Variants in PLAGL1 observed in about 807,000 individuals in gnomAD.
The protein encoded by PLAGL1 is PLAG1 like zinc finger 1.
Under a neutral mutation model 4.6 loss-of-function variants are expected in PLAGL1, and 1 was observed. That is an observed-to-expected ratio of 0.22 (90% CI 0.08 to 1.03). The LOEUF is 1.03. PLAGL1 is among the 50% of genes least tolerant of loss of function. The pLI is 0.58. For synonymous variants in PLAGL1, 240 were observed against 237.8 expected (o/e 1.01, Z -0.08); for missense variants, 464 against 570.4 (o/e 0.81, Z 1.90).
At chr6:144,054,345 A>G (rs929102802) in intron 1 of PLAGL1, among the ~76,000 whole-genome samples, 2 of 152,216 alleles carry the variant, frequency 1.3e-5, no homozygotes, top group African/African-American at 4.8e-5. Flanking sequence ...CATAGAACCA[A>G]CCCAAATGAC....
At chr6:144,028,266 A>G (rs1256044473) in intron 1 of PLAGL1, among the ~76,000 whole-genome samples, 2 of 152,202 alleles carry the variant, frequency 1.3e-5, no homozygotes, top group African/African-American at 4.8e-5. Context: ...CTTTTAAATT[A>G]TATATTTTAA....
intron 6 of PLAGL1, among the ~76,000 whole-genome samples, chr6:143,956,637 T>C (rs1782205978): frequency 6.6e-6 from 1 of 152,252 alleles, no homozygotes; most frequent in Non-Finnish European, 1.5e-5. Flanking sequence ...CTTTGCTATA[T>C]TTAGCAGATT....
At chr6:144,051,448 G>C (rs963980062) in intron 1 of PLAGL1, among the ~76,000 whole-genome samples, 1 of 152,048 alleles carries the variant, frequency 6.6e-6, no homozygotes, top group Non-Finnish European at 1.5e-5. Context: ...TAACAACTAA[G>C]GACAATCATT....
intron 1 of PLAGL1, among the ~76,000 whole-genome samples, chr6:143,988,468 T>C (rs1475111940): frequency 6.6e-6 from 1 of 152,206 alleles, no homozygotes; most frequent in East Asian, 1.9e-4. Context: ...GAAACCAAGA[T>C]CTTCCCTGAA....
intron 1 of PLAGL1, among the ~76,000 whole-genome samples, chr6:143,986,236 A>G (rs1010877965): frequency 2.0e-5 from 3 of 151,992 alleles, no homozygotes; most frequent in African/African-American, 4.8e-5. Flanking sequence ...TTGCTATGAC[A>G]AATAAATCAC....
In PLAGL1 at chr6:143,962,183, TGG is replaced by T. The variant is rs1255085655; in HGVS notation, c.-398-1643_-398-1642del. Among the ~76,000 whole-genome samples, 1 of 152,146 alleles carries T rather than the reference TGG, an allele frequency of 6.6e-6. No homozygotes were observed. Among genetic ancestry groups the T allele is most frequent in the African/African-American group, 2.4e-5 (1 of 41,420 alleles). The stretch of plus-strand genomic sequence containing the variant: ...CAGAGAGCCCAAGGCAGGCCTGGTC[TGG>T]GGGGAAAATCATGTGCAGTATATGA... On this transcript the variant is annotated intron_variant, in intron 5 of 7. Coordinates refer to ENST00000674357, the MANE Select transcript of PLAGL1 (RefSeq NM_001317162.2). The surrounding 1 kb of genome is among the most constrained non-coding windows in gnomAD (Gnocchi z 5.3).
Position 143,955,967 on chromosome 6 carries a change from A to AC in PLAGL1, c.-325+4501_-325+4502insG, listed in dbSNP as rs1782032988. Reference sequence around the variant, plus strand: ...TCCCAGAAGAAAAACTCAGCAAAAAATAAGCGTTAGGAGTTCATTTTTAGA... The same window carrying AC: ...TCCCAGAAGAAAAACTCAGCAAAAAACTAAGCGTTAGGAGTTCATTTTTAGA... On this transcript the variant is annotated intron_variant, in intron 6 of 7. Transcript: ENST00000674357. This position sits in a 1 kb window ranked among gnomAD's most constrained non-coding sequence, Gnocchi z 4.9. 6.6e-6 allele frequency among the ~76,000 whole-genome samples: 1 copy of AC among 152,232 alleles called. No individual in the cohort carries two copies. The highest frequency in any genetic ancestry group is 1.5e-5 in the Non-Finnish European group (1 of 68,048).
chr6:144,001,388 T>C (rs1044096198), intron 1 of PLAGL1, among the ~76,000 whole-genome samples: 1 of 152,044 alleles, frequency 6.6e-6, no homozygotes, highest in Admixed American at 6.6e-5. Flanking sequence ...CCAATCTTTC[T>C]TAGAGAAGAA....
In PLAGL1 at chr6:143,964,907, G is replaced by T; in HGVS notation, c.-430-89C>A. ...AACAAACAAAAACACCCAAGTGGGGGGGGAACGGAAGTCTACTTGGAAGAG... is the reference window on the plus strand; with the variant it reads ...AACAAACAAAAACACCCAAGTGGGGTGGGAACGGAAGTCTACTTGGAAGAG... On this transcript the variant is annotated intron_variant, in intron 4 of 7. Coordinates refer to ENST00000674357, the MANE Select transcript of PLAGL1 (RefSeq NM_001317162.2). This position sits in a 1 kb window ranked among gnomAD's most constrained non-coding sequence, Gnocchi z 4.3. 1 of 152,320 alleles carries T rather than the reference G, an allele frequency of 6.6e-6. No individual in the cohort carries two copies. The highest frequency in any genetic ancestry group is 1.5e-5 in the Non-Finnish European group (1 of 68,054). The allele number at this position is 152,320 out of a possible 1,614,324, so 9.4% of individuals were successfully genotyped here.
Position 143,945,517 on chromosome 6 carries a change from C to G in PLAGL1, c.152+2468G>C, listed in dbSNP as rs1779560532. On this transcript the variant is annotated intron_variant, in intron 7 of 7. Coordinates refer to ENST00000674357, the MANE Select transcript of PLAGL1 (RefSeq NM_001317162.2). This position sits in a 1 kb window ranked among gnomAD's most constrained non-coding sequence, Gnocchi z 4.2. ...TTTGAGATGCAGTCCCACCCTGTCACCAGGCTGAAGTGCAGTGGCTCGATG... is the reference window on the plus strand; with the variant it reads ...TTTGAGATGCAGTCCCACCCTGTCAGCAGGCTGAAGTGCAGTGGCTCGATG... Among the ~76,000 whole-genome samples the G allele has an allele frequency of 1.3e-5, 2 of 152,214 alleles. No homozygotes were observed. Among genetic ancestry groups the G allele is most frequent in the South Asian group, 4.1e-4 (2 of 4,832 alleles).
chr6:143,948,367 G>T lies in PLAGL1; in HGVS notation c.-231C>A. 2.1e-6 allele frequency: 1 copy of T among 484,088 alleles called. No homozygotes were observed. Among genetic ancestry groups the T allele is most frequent in the Non-Finnish European group, 3.8e-6 (1 of 266,406 alleles). The allele number at this position is 484,088 out of a possible 1,614,324, so 30.0% of individuals were successfully genotyped here. A position where few individuals can be genotyped will look rare whatever the true frequency, so the allele number is the denominator to read the frequency against. On this transcript the variant is annotated 5_prime_UTR_variant, in exon 7 of 8. It introduces an in-frame stop codon into an upstream open reading frame of the 5' UTR. Coordinates refer to ENST00000674357, the MANE Select transcript of PLAGL1 (RefSeq NM_001317162.2). The surrounding 1 kb of genome is among the most constrained non-coding windows in gnomAD (Gnocchi z 6.0). The stretch of plus-strand genomic sequence containing the variant: ...CCCAGTTTACATGCAGTCTCAAGCT[G>T]AGGGGAGAAAGTCTGAGGCACAGGT...
At chr6:144,023,861 C>T (rs1289999268) in intron 1 of PLAGL1, among the ~76,000 whole-genome samples, 1 of 144,758 alleles carries the variant, frequency 6.9e-6, no homozygotes, top group Non-Finnish European at 1.5e-5. Context: ...ACTGCAACCT[C>T]CGCCTCCCAG....
intron 1 of PLAGL1, among the ~76,000 whole-genome samples, chr6:144,030,061 G>C (rs924103389): frequency 2.0e-5 from 3 of 151,926 alleles, no homozygotes; most frequent in South Asian, 2.1e-4. Flanking sequence ...AGACCATCCT[G>C]GTTAACACGG....
chr6:144,027,277 A>G lies in PLAGL1; in HGVS notation c.-151+37191T>C, dbSNP rs12213609. The stretch of plus-strand genomic sequence containing the variant: ...AAAGAAAGAAAGAAAGAAAGAAAGA[A>G]AGAAAGAAAGAAAGAAAGTTATTTG... On this transcript the variant is annotated intron_variant, in intron 1 of 3. Coordinates refer to the PLAGL1 transcript ENST00000437412. The surrounding 1 kb of genome is among the most constrained non-coding windows in gnomAD (Gnocchi z 5.8). 4.8e-5 allele frequency among the ~76,000 whole-genome samples: 7 copies of G among 146,680 alleles called. No individual in the cohort carries two copies. Among genetic ancestry groups the G allele is most frequent in the South Asian group, 4.4e-4 (2 of 4,548 alleles).
rs766525788 is a variant in PLAGL1 at position 143,941,765 on chromosome 6, G to C, written c.1051C>G (p.Leu351Val). Residue 351 changes from leucine to valine, a missense_variant, in exon 8 of 8, where the codon CTG becomes GTG. Physicochemically the swap from Leu to Val is conservative, Grantham distance 32. Coordinates refer to ENST00000674357, the MANE Select transcript of PLAGL1 (RefSeq NM_001317162.2). The surrounding 1 kb of genome is among the most constrained non-coding windows in gnomAD (Gnocchi z 6.0). ...ACTTTACCAGCATTTCCCTTAGCCA[G>C]ATCAAAACCTGGGTTGAGCTTTTGA... is the stretch of plus-strand genomic sequence containing the variant. ...SPQKLNPGFD[L>V]AKGNAGKVNL... 2 of 1,614,232 alleles carry C rather than the reference G, an allele frequency of 1.2e-6. No homozygotes were observed. The highest frequency in any genetic ancestry group is 1.7e-6 in the Non-Finnish European group (2 of 1,180,040).
chr6:144,024,198 C>T (rs1258250465), intron 1 of PLAGL1, among the ~76,000 whole-genome samples: 1 of 152,224 alleles, frequency 6.6e-6, no homozygotes, highest in Non-Finnish European at 1.5e-5. Context: ...CAGTGACACT[C>T]TGCTGATGGT....
At position 143,990,305 on chromosome 6, in the gene PLAGL1, G is replaced by C. The variant is rs962979056; in HGVS notation, c.-583-5131C>G. On this transcript the variant is annotated intron_variant, in intron 1 of 7. Transcript: ENST00000674357. The surrounding 1 kb of genome is among the most constrained non-coding windows in gnomAD (Gnocchi z 5.4). ...CCAGCTAATTTTTGTATTTTTATTAGAGACGGGGTTTCAACATGTTGGCCA... is the reference window on the plus strand; with the variant it reads ...CCAGCTAATTTTTGTATTTTTATTACAGACGGGGTTTCAACATGTTGGCCA... Among the ~76,000 whole-genome samples the C allele has an allele frequency of 2.0e-5, 3 of 152,106 alleles. No individual in the cohort carries two copies. Among genetic ancestry groups the C allele is most frequent in the African/African-American group, 7.2e-5 (3 of 41,412 alleles).
chr6:144,060,031 C>G (rs1049752977), intron 1 of PLAGL1, among the ~76,000 whole-genome samples: 1 of 152,082 alleles, frequency 6.6e-6, no homozygotes, highest in Non-Finnish European at 1.5e-5. Flanking sequence ...CTGATCCCTT[C>G]CTTTCAGGAA....
At chr6:144,043,501 A>C (rs1797894165) in intron 1 of PLAGL1, among the ~76,000 whole-genome samples, 1 of 151,940 alleles carries the variant, frequency 6.6e-6, no homozygotes, top group African/African-American at 2.4e-5. Flanking sequence ...ATTTTGAATC[A>C]GCCTTGCATC....
Sources: gnomAD v4.1 joint callset for allele counts (sites outside exome capture counted in the v4.1 genomes callset) on GRCh38, gnomAD v4.1.1 for gene constraint, Gnocchi (gnomAD v3.1) non-coding constraint, MANE v1.5 for transcripts, NCBI Gene and HGNC (gene_info 2026-07-23, HGNC 2026-07-21) for gene names.